Variants in LINGO2 observed in about 807,000 individuals in gnomAD.
LINGO2 encodes the protein leucine rich repeat and Ig domain containing 2, also known as leucine-rich repeat and immunoglobulin-like domain-containing nogo receptor-interacting protein 2.
LINGO2 carries 14 observed loss-of-function variants against 30.6 expected under a neutral mutation model. That is an observed-to-expected ratio of 0.46 (90% confidence interval 0.30 to 0.72). The LOEUF (loss-of-function observed/expected upper bound fraction) is 0.72. Ranked by LOEUF, LINGO2 falls within the 30% of genes least tolerant of loss-of-function variation. LINGO2 has a pLI of 0.07. For missense variants in LINGO2, 729 were observed against 751.7 expected (o/e 0.97, Z 0.35); for synonymous variants, 317 against 288.5 (o/e 1.10, Z -1.00).
chr9:28,073,962 T>C (rs1825553011), intron 4 of LINGO2, among the ~76,000 whole-genome samples: 1 of 152,186 alleles, frequency 6.6e-6, no homozygotes, highest in South Asian at 2.1e-4. Context: ...CCAGTATTCA[T>C]TCTTAAGTTT....
intron 1 of LINGO2, among the ~76,000 whole-genome samples, chr9:28,498,067 T>G (rs1819718499): frequency 1.3e-5 from 2 of 152,150 alleles, no homozygotes; most frequent in Admixed American, 6.5e-5. Context: ...AGTCTGCCCC[T>G]ACTCGGGGGT....
At chr9:29,090,711 G>T in the LINGO2 span, among the ~76,000 whole-genome samples, 1 of 151,844 alleles carries the variant, frequency 6.6e-6, no homozygotes, top group South Asian at 2.1e-4. Context: ...TTCAGGGATG[G>T]GGAGAAATGG....
the LINGO2 span, among the ~76,000 whole-genome samples, chr9:29,002,612 G>A: frequency 2.6e-5 from 4 of 151,976 alleles, no homozygotes; most frequent in African/African-American, 9.7e-5. Flanking sequence ...TCTCAGATCT[G>A]ACATAAGCAA....
At chr9:28,616,745 T>C (rs571114493) in intron 1 of LINGO2, among the ~76,000 whole-genome samples, 15 of 152,328 alleles carry the variant, frequency 9.8e-5, no homozygotes, top group African/African-American at 3.6e-4. Flanking sequence ...GTCGGTTATC[T>C]AGGCCAGAAA....
chr9:29,158,194 CA>C, the LINGO2 span, among the ~76,000 whole-genome samples: 4 of 134,072 alleles, frequency 3.0e-5, no homozygotes, highest in Admixed American at 1.6e-4. Context: ...TAAAAAAAAA[CA>C]AAAAAAAAAC....
intron 5 of LINGO2, among the ~76,000 whole-genome samples, chr9:27,954,868 C>T (rs1180457177): frequency 6.6e-6 from 1 of 152,134 alleles, no homozygotes; most frequent in Non-Finnish European, 1.5e-5. Flanking sequence ...TTTACACCAA[C>T]AATGTTTAAG....
intron 1 of LINGO2, among the ~76,000 whole-genome samples, chr9:28,633,984 T>A (rs911401701): frequency 6.6e-6 from 1 of 152,174 alleles, no homozygotes; most frequent in East Asian, 1.9e-4. Context: ...GTCTCCTACC[T>A]TTTCTTAGAG....
chr9:28,639,938 T>G (rs1316488008), intron 1 of LINGO2, among the ~76,000 whole-genome samples: 1 of 152,168 alleles, frequency 6.6e-6, no homozygotes, highest in Non-Finnish European at 1.5e-5. Flanking sequence ...CAATTTGGCA[T>G]GTTTTTGCAG....
intron 1 of LINGO2, among the ~76,000 whole-genome samples, chr9:28,552,379 C>A (rs1822339493): frequency 6.6e-6 from 1 of 152,076 alleles, no homozygotes; most frequent in African/African-American, 2.4e-5. Flanking sequence ...TACTTTGTTG[C>A]ATACTTAGCC....
chr9:28,776,050 G>T, the LINGO2 span, among the ~76,000 whole-genome samples: 2 of 152,190 alleles, frequency 1.3e-5, no homozygotes, highest in East Asian at 3.8e-4. Context: ...GTTCATCAAA[G>T]AAAGAGTAGG....
intron 4 of LINGO2, among the ~76,000 whole-genome samples, chr9:28,033,704 T>C (rs1253504556): frequency 6.6e-6 from 1 of 152,182 alleles, no homozygotes; most frequent in Non-Finnish European, 1.5e-5. Flanking sequence ...CCCAATTTAA[T>C]ACCATCCTTA....
chr9:28,125,049 A>G (rs1827199444), intron 4 of LINGO2, among the ~76,000 whole-genome samples: 1 of 152,224 alleles, frequency 6.6e-6, no homozygotes. Flanking sequence ...TCTTGATGTC[A>G]AAAGGAATTG....
chr9:28,090,218 C>A (rs1046411167), intron 4 of LINGO2, among the ~76,000 whole-genome samples: 3 of 152,236 alleles, frequency 2.0e-5, no homozygotes, highest in East Asian at 3.9e-4. Flanking sequence ...TTTTATGAGG[C>A]CAGCATCATC....
chr9:29,061,906 A>G, the LINGO2 span, among the ~76,000 whole-genome samples: 3 of 152,076 alleles, frequency 2.0e-5, no homozygotes, highest in Admixed American at 2.0e-4. Context: ...AATGGGAGAA[A>G]ATATTTGCAA....
At chr9:29,210,942 A>T in the LINGO2 span, among the ~76,000 whole-genome samples, 1 of 152,090 alleles carries the variant, frequency 6.6e-6, no homozygotes, top group Admixed American at 6.5e-5. Context: ...CCTAAAGAAC[A>T]TCTCCTTCTT....
intron 1 of LINGO2, among the ~76,000 whole-genome samples, chr9:28,656,199 A>C (rs1433275760): frequency 6.6e-6 from 1 of 152,102 alleles, no homozygotes; most frequent in Non-Finnish European, 1.5e-5. Flanking sequence ...AAATACATTA[A>C]TGATCTAGCA....
intron 3 of LINGO2, among the ~76,000 whole-genome samples, chr9:28,366,215 C>T (rs1323315404): frequency 2.6e-5 from 4 of 152,178 alleles, no homozygotes; most frequent in Non-Finnish European, 5.9e-5. Flanking sequence ...CAGGGCATAA[C>T]ATCATCCATT....
At chr9:28,843,889 C>G in the LINGO2 span, among the ~76,000 whole-genome samples, 1 of 151,802 alleles carries the variant, frequency 6.6e-6, no homozygotes. Flanking sequence ...AAATTATTGG[C>G]TCTACTTCTT....
chr9:29,068,977 T>C, the LINGO2 span, among the ~76,000 whole-genome samples: 3 of 151,898 alleles, frequency 2.0e-5, no homozygotes, highest in Non-Finnish European at 4.4e-5. Flanking sequence ...AAAAGGTTCA[T>C]TGTGGACTGT....
Sources: gnomAD v4.1 joint callset for allele counts (sites outside exome capture counted in the v4.1 genomes callset) on GRCh38, gnomAD v4.1.1 for gene constraint, MANE v1.5 for transcripts, NCBI Gene and HGNC (gene_info 2026-07-23, HGNC 2026-07-21) for gene names.